POU5F1: variants seen among roughly 807,000 people sequenced by gnomAD.
POU5F1 encodes the protein POU class 5 homeobox 1, also known as POU domain, class 5, transcription factor 1.
A neutral mutation model predicts 38.3 loss-of-function variants in POU5F1; 6 were observed. The ratio of observed to expected loss-of-function variants is 0.16; its 90% confidence interval spans 0.09 to 0.31. POU5F1 has a LOEUF of 0.31. POU5F1 is among the 10% of genes least tolerant of loss of function. The pLI is 1.00. For missense variants in POU5F1, 286 were observed against 462.6 expected (o/e 0.62, Z 3.50); for synonymous variants, 147 against 194.9 (o/e 0.75, Z 2.05).
At chr6:31,167,111 T>C (rs3130931) in intron 1 of POU5F1, 331,844 of 466,320 alleles carry the variant, frequency 0.71, 119,397 homozygotes, top group African/African-American at 0.84. Context: ...AAGTGCTATT[T>C]GGCACTTGTT....
Position 31,164,444 on chromosome 6 carries a change from C to T in POU5F1, c.*157G>A. The T allele has an allele frequency of 9.7e-7, 1 of 1,027,956 alleles. No homozygotes were observed. The allele number at this position is 1,027,956 out of a possible 1,614,324, so 63.7% of individuals were successfully genotyped here. On this transcript the variant is annotated 3_prime_UTR_variant, in exon 5 of 5. Transcript: ENST00000259915. ...CATTGAACTTCACCTTCCCTCCAAC[C>T]AGTTGCCCCAAACTCCCCTGCCCCC... is the stretch of plus-strand genomic sequence containing the variant.
At position 31,165,918 on chromosome 6, in the gene POU5F1, G is replaced by A. The variant is rs765446871; in HGVS notation, c.526+9C>T. On this transcript the variant is annotated intron_variant, in intron 2 of 4. Coordinates refer to ENST00000259915, the MANE Select transcript of POU5F1 (RefSeq NM_002701.6). The surrounding 1 kb of genome is among the most constrained non-coding windows in gnomAD (Gnocchi z 6.5). ...GAGATGCGGTCAGAATCTGCAGAGG[G>A]GAACCCACCAAATAGAACCCCCAGG... 6.2e-7 allele frequency: 1 copy of A among 1,614,002 alleles called. No individual in the cohort carries two copies. Among genetic ancestry groups the A allele is most frequent in the Non-Finnish European group, 8.5e-7 (1 of 1,179,984 alleles).
At chr6:31,166,616 G>A (rs1380101000) in intron 1 of POU5F1, 12 of 1,101,374 alleles carry the variant, frequency 1.1e-5, no homozygotes, top group Admixed American at 3.9e-5. Flanking sequence ...CTGAGATCAC[G>A]CCACTGCACT....
chr6:31,165,800 A>AAAGCCC lies in POU5F1; in HGVS notation c.527-100_527-99insGGGCTT, dbSNP rs74525213. ...TACCACCTCTTCCCAGAGGGAGCTC[A>AAAGCCC]AAGCATCTTCTCCCTCTCCCTACTC... is the stretch of plus-strand genomic sequence containing the variant. On this transcript the variant is annotated intron_variant, in intron 2 of 4. Coordinates refer to ENST00000259915, the MANE Select transcript of POU5F1 (RefSeq NM_002701.6). This position sits in a 1 kb window ranked among gnomAD's most constrained non-coding sequence, Gnocchi z 6.5. 973,605 of 1,557,230 alleles carry AAAGCCC rather than the reference A, an allele frequency of 0.63. 307,826 individuals carry two copies. The highest frequency in any genetic ancestry group is 0.65 in the Middle Eastern group (3,891 of 5,982).
chr6:31,165,619 C>T lies in POU5F1; in HGVS notation c.609G>A (p.Leu203=). ...SFKNMCKLRP[L]LQKWVEEADN... ...CAGCTTCCTCCACCCACTTCTGCAG[C>T]AAGGGCCGCAGCTTACACATGTTCT... The change falls in exon 3 of 5, where the codon TTG becomes TTA. Residue 203 remains leucine (L), a synonymous_variant. Coordinates refer to ENST00000259915, the MANE Select transcript of POU5F1 (RefSeq NM_002701.6). The surrounding 1 kb of genome is among the most constrained non-coding windows in gnomAD (Gnocchi z 6.5). 4 of 1,614,172 alleles carry T rather than the reference C, an allele frequency of 2.5e-6. No homozygotes were observed. Among genetic ancestry groups the T allele is most frequent in the Non-Finnish European group, 3.4e-6 (4 of 1,180,026 alleles).
Position 31,170,420 on chromosome 6 carries a change from A to G in POU5F1, c.201T>C (p.Tyr67=), listed in dbSNP as rs1352122092. 1 of 1,611,934 alleles carries G rather than the reference A, an allele frequency of 6.2e-7. No homozygotes were observed. The highest frequency in any genetic ancestry group is 8.5e-7 in the Non-Finnish European group (1 of 1,179,568). ...AGTACGCCATCCCCCCACAGAACTC[A>G]TACGGCGGGGGGCATGGGGGAATCC... ...VWGIPPCPPP[Y]EFCGGMAYCG... The change falls in exon 1 of 5, where the codon TAT becomes TAC. Residue 67 remains tyrosine (Y), a synonymous_variant. Coordinates refer to ENST00000259915, the MANE Select transcript of POU5F1 (RefSeq NM_002701.6).
At chr6:31,166,346 A>G (rs777344152) in intron 1 of POU5F1, 1 of 1,435,576 alleles carries the variant, frequency 7.0e-7, no homozygotes, top group Non-Finnish European at 9.2e-7. Flanking sequence ...GGCCTCGAGA[A>G]CACCTGTCAG....
At chr6:31,166,510 T>C (rs954544116) in intron 1 of POU5F1, 1 of 1,095,974 alleles carries the variant, frequency 9.1e-7, no homozygotes, top group African/African-American at 1.6e-5. Context: ...AACACAAAAA[T>C]TAGCTGGGCA....
chr6:31,167,153 T>G, intron 1 of POU5F1: 1 of 373,980 alleles, frequency 2.7e-6, no homozygotes, highest in Non-Finnish European at 5.1e-6. Flanking sequence ...CTCTTCCAAG[T>G]GCACTTTCCT....
At chr6:31,166,771 G>A (rs1410882052) in intron 1 of POU5F1, 6 of 1,188,532 alleles carry the variant, frequency 5.0e-6, no homozygotes, top group East Asian at 4.1e-5. Context: ...AAGCTGCTAA[G>A]TTCTGGGTTA....
chr6:31,167,360 GC>G (rs1777344289), intron 1 of POU5F1, among the ~76,000 whole-genome samples: 1 of 151,468 alleles, frequency 6.6e-6, no homozygotes, highest in African/African-American at 2.4e-5. Flanking sequence ...GACCCGTGCC[GC>G]CCCTTCTCCC....
intron 1 of POU5F1, among the ~76,000 whole-genome samples, chr6:31,167,846 G>A (rs1001282425): frequency 6.6e-6 from 1 of 152,230 alleles, no homozygotes; most frequent in African/African-American, 2.4e-5. Context: ...GCAAGGCCCT[G>A]AAGTGGGCCT....
In POU5F1 at chr6:31,165,714, A is replaced by G. The variant is rs748214914; in HGVS notation, c.527-13T>C. The G allele has an allele frequency of 6.2e-7, 1 of 1,605,752 alleles. No individual in the cohort carries two copies. Among genetic ancestry groups the G allele is most frequent in the South Asian group, 1.1e-5 (1 of 89,868 alleles). Reference sequence around the variant, plus strand: ...CTGAATACCTTCCCTGGGGGAGGCCAGTCAAAAGAGAAGCAAAGTGAGGGA... The same window carrying G: ...CTGAATACCTTCCCTGGGGGAGGCCGGTCAAAAGAGAAGCAAAGTGAGGGA... On this transcript the variant is annotated splice_polypyrimidine_tract_variant and intron_variant, in intron 2 of 4. Transcript: ENST00000259915. This position sits in a 1 kb window ranked among gnomAD's most constrained non-coding sequence, Gnocchi z 6.5.
rs1302045458 is a variant in POU5F1 at position 31,165,002 on chromosome 6, G to A, written c.816+126C>T. 4 of 1,547,948 alleles carry A rather than the reference G, an allele frequency of 2.6e-6. No homozygotes were observed. ...GGACATTAGAGAATGAGCTGAGACA[G>A]GCCTGACTGCTTGGACATTCTGTCC... is the stretch of plus-strand genomic sequence containing the variant. On this transcript the variant is annotated intron_variant, in intron 4 of 4. Transcript: ENST00000259915. This position sits in a 1 kb window ranked among gnomAD's most constrained non-coding sequence, Gnocchi z 6.5.
intron 1 of POU5F1, chr6:31,166,318 G>A (rs1362514380): frequency 6.8e-7 from 1 of 1,474,624 alleles, no homozygotes; most frequent in Non-Finnish European, 9.0e-7. Flanking sequence ...ATCGTGAAAG[G>A]ACAGAAAGAG....
chr6:31,167,666 C>A (rs1012674800), intron 1 of POU5F1, among the ~76,000 whole-genome samples: 2 of 151,572 alleles, frequency 1.3e-5, no homozygotes, highest in African/African-American at 4.9e-5. Context: ...CAAGATCGCA[C>A]CACTGCACTC....
chr6:31,165,815 T>C lies in POU5F1; in HGVS notation c.526+112A>G. 1 of 1,555,552 alleles carries C rather than the reference T, an allele frequency of 6.4e-7. No individual in the cohort carries two copies. The highest frequency in any genetic ancestry group is 8.7e-7 in the Non-Finnish European group (1 of 1,149,456). Reference sequence around the variant, plus strand: ...GAGGGAGCTCAAAGCATCTTCTCCCTCTCCCTACTCCTCTTCATGGGTGAG... The same window carrying C: ...GAGGGAGCTCAAAGCATCTTCTCCCCCTCCCTACTCCTCTTCATGGGTGAG... On this transcript the variant is annotated intron_variant, in intron 2 of 4. Coordinates refer to ENST00000259915, the MANE Select transcript of POU5F1 (RefSeq NM_002701.6). The surrounding 1 kb of genome is among the most constrained non-coding windows in gnomAD (Gnocchi z 6.5).
intron 1 of POU5F1, 49 bp from the exon 2 acceptor site, chr6:31,166,096 A>G: frequency 1.9e-6 from 3 of 1,614,246 alleles, no homozygotes; most frequent in African/African-American, 2.7e-5. Context: ...CACACCAGTT[A>G]TCAATCTCCC....
rs1171789208 is a variant in POU5F1 at position 31,165,546 on chromosome 6, C to T, written c.657+25G>A. On this transcript the variant is annotated intron_variant, in intron 3 of 4. Transcript: ENST00000259915. This position sits in a 1 kb window ranked among gnomAD's most constrained non-coding sequence, Gnocchi z 6.5. ...AATTAGGCCAAGAAAGGGAAGGTCCCCGGGTATCCCCCTCCCACCCTTACC... is the reference window on the plus strand; with the variant it reads ...AATTAGGCCAAGAAAGGGAAGGTCCTCGGGTATCCCCCTCCCACCCTTACC... The T allele has an allele frequency of 1.2e-6, 2 of 1,612,790 alleles. No individual in the cohort carries two copies. The highest frequency in any genetic ancestry group is 1.7e-5 in the Admixed American group (1 of 59,996).
Sources: gnomAD v4.1 joint callset for allele counts (sites outside exome capture counted in the v4.1 genomes callset) on GRCh38, gnomAD v4.1.1 for gene constraint, Gnocchi (gnomAD v3.1) non-coding constraint, MANE v1.5 for transcripts, NCBI Gene and HGNC (gene_info 2026-07-23, HGNC 2026-07-21) for gene names.